WDFY1: variants seen among roughly 807,000 people sequenced by gnomAD.
WDFY1 encodes WD repeat and FYVE domain-containing protein 1.
A neutral mutation model predicts 56.4 loss-of-function variants in WDFY1; 32 were observed. The ratio of observed to expected loss-of-function variants is 0.57; its 90% CI spans 0.43 to 0.76. The LOEUF is 0.76. Among genes scored for constraint, WDFY1 ranks in the 30% least tolerant of loss-of-function variants. The pLI is 0.00. For missense variants in WDFY1, 480 were observed against 545.7 expected, an observed-to-expected ratio of 0.88 and a Z score of 1.20; for synonymous variants, 192 against 197.3, an observed-to-expected ratio of 0.97 and a Z score of 0.23.
rs995473158 is a variant in WDFY1 at position 223,875,819 on chromosome 2, G to A, written c.*2852C>T. The A allele has an allele frequency of 5.3e-5, 8 of 151,996 alleles. No individual in the cohort carries two copies. The highest frequency in any genetic ancestry group is 1.2e-4 in the African/African-American group (5 of 41,364). The allele number at this position is 151,996 out of a possible 1,614,324, so 9.4% of individuals were successfully genotyped here. A position where few individuals can be genotyped will look rare whatever the true frequency, so the allele number is the denominator to read the frequency against. Reference sequence around the variant, plus strand: ...TTTAGGAGATACCATATCCAATAACGGAAGTAGAAGTACTTTAACGAAAAC... The same window carrying A: ...TTTAGGAGATACCATATCCAATAACAGAAGTAGAAGTACTTTAACGAAAAC... On this transcript the variant is annotated 3_prime_UTR_variant, in exon 12 of 12. Transcript: ENST00000233055.
At chr2:223,880,016 T>C (rs1693038461) in intron 11 of WDFY1, 108 bp downstream of exon 11, 2 of 968,230 alleles carry the variant, frequency 2.1e-6, no homozygotes. Flanking sequence ...CTGGCAATCA[T>C]TTGCTTATAA....
intron 1 of WDFY1, among the ~76,000 whole-genome samples, chr2:223,932,936 G>A (rs1694103896): frequency 6.6e-6 from 1 of 151,280 alleles, no homozygotes; most frequent in Middle Eastern, 3.2e-3. Context: ...GCCTGAAAGG[G>A]GGAACGAACA....
At chr2:223,943,449 G>A (rs1294010886) in intron 1 of WDFY1, among the ~76,000 whole-genome samples, 1 of 152,180 alleles carries the variant, frequency 6.6e-6, no homozygotes, top group Non-Finnish European at 1.5e-5. Flanking sequence ...GGACCAACAG[G>A]AGTTGGGGGC....
intron 7 of WDFY1, 47 bp downstream of exon 7, chr2:223,895,457 C>A: frequency 6.2e-7 from 1 of 1,613,086 alleles, no homozygotes; most frequent in South Asian, 1.1e-5. Context: ...TTCACTAGCT[C>A]CCCACTAACT....
At chr2:223,897,498 C>A (rs1693413872) in intron 6 of WDFY1, among the ~76,000 whole-genome samples, 2 of 151,406 alleles carry the variant, frequency 1.3e-5, no homozygotes, top group Non-Finnish European at 2.9e-5. Flanking sequence ...CCTGCCTCAG[C>A]CTCCCTGAGT....
chr2:223,879,056 A>G (rs1484007819), intron 11 of WDFY1, among the ~76,000 whole-genome samples: 1 of 152,130 alleles, frequency 6.6e-6, no homozygotes, highest in Non-Finnish European at 1.5e-5. Context: ...GTGTGGTGGC[A>G]CATGCCTGTG....
intron 1 of WDFY1, among the ~76,000 whole-genome samples, chr2:223,931,901 G>T (rs548529391): frequency 6.6e-6 from 1 of 152,102 alleles, no homozygotes; most frequent in African/African-American, 2.4e-5. Flanking sequence ...GGCCAGGCTG[G>T]TCTTGAACTC....
chr2:223,895,438 T>C, intron 7 of WDFY1, 66 bp downstream of exon 7: 2 of 1,610,938 alleles, frequency 1.2e-6, no homozygotes, highest in South Asian at 1.1e-5. Flanking sequence ...TATCAGACTA[T>C]TAATGCCTTT....
chr2:223,917,476 G>A (rs1383857600), intron 2 of WDFY1, among the ~76,000 whole-genome samples: 4 of 152,118 alleles, frequency 2.6e-5, no homozygotes, highest in African/African-American at 9.7e-5. Flanking sequence ...AAAAGAAAAG[G>A]ACTTTTCCTG....
rs993123525 is a variant in WDFY1 at position 223,931,656 on chromosome 2, A to G, written c.137+13492T>C. Among the ~76,000 whole-genome samples the G allele has an allele frequency of 2.0e-5, 3 of 151,530 alleles. No individual in the cohort carries two copies. In the East Asian group the frequency reaches 5.8e-4, roughly 29 times the overall value. On this transcript the variant is annotated intron_variant, in intron 1 of 11. Transcript: ENST00000233055. Reference sequence around the variant, plus strand: ...AGCACTGGCTCACAAACCAGGAGGCATCTTGCAGGAGTCATTAATATTTTT... The same window carrying G: ...AGCACTGGCTCACAAACCAGGAGGCGTCTTGCAGGAGTCATTAATATTTTT...
intron 6 of WDFY1, among the ~76,000 whole-genome samples, chr2:223,897,112 C>T (rs541631708): frequency 4.6e-5 from 7 of 152,162 alleles, no homozygotes; most frequent in African/African-American, 1.2e-4. Context: ...AAATAGATTA[C>T]ATAGAAAGCA....
At chr2:223,935,272 C>T (rs974643676) in intron 1 of WDFY1, among the ~76,000 whole-genome samples, 16 of 152,074 alleles carry the variant, frequency 1.1e-4, no homozygotes, top group South Asian at 2.1e-4. Context: ...TCCACACAGG[C>T]GACTTTTTAC....
At chr2:223,897,615 A>G (rs1379903849) in intron 6 of WDFY1, among the ~76,000 whole-genome samples, 5 of 151,776 alleles carry the variant, frequency 3.3e-5, no homozygotes, top group Non-Finnish European at 5.9e-5. Flanking sequence ...CCTGACCTCA[A>G]GTGATCTGCC....
intron 1 of WDFY1, among the ~76,000 whole-genome samples, chr2:223,936,695 A>G (rs1273028356): frequency 6.6e-6 from 1 of 152,122 alleles, no homozygotes; most frequent in Non-Finnish European, 1.5e-5. Context: ...ACCATTCCCT[A>G]ACTCCTAAGA....
chr2:223,885,977 C>G (rs1424017011), intron 8 of WDFY1, among the ~76,000 whole-genome samples: 1 of 152,198 alleles, frequency 6.6e-6, no homozygotes, highest in Non-Finnish European at 1.5e-5. Flanking sequence ...TAGCCACAGC[C>G]TGTCACACAG....
chr2:223,899,283 T>G, intron 5 of WDFY1: 1 of 477,610 alleles, frequency 2.1e-6, no homozygotes. Context: ...AAACAGCTGT[T>G]ATTACTGAGA....
intron 1 of WDFY1, 30 bp downstream of exon 1, chr2:223,945,118 C>G: frequency 6.4e-7 from 1 of 1,562,054 alleles, no homozygotes; most frequent in Admixed American, 1.8e-5. Context: ...TCGCGGAGTT[C>G]GGGCCGCCCC....
rs368902455 is a variant in WDFY1, at chr2:223,933,961, C to CAAAAAAA, written c.137+11180_137+11186dup. Reference sequence around the variant, plus strand: ...TGGGAGACAGAGTGAGACCCTGCCTCAAAAAAAAAAAAAAAAAAAAGTCTC... The same window carrying CAAAAAAA: ...TGGGAGACAGAGTGAGACCCTGCCTCAAAAAAAAAAAAAAAAAAAAAAAAAAAGTCTC... On this transcript the variant is annotated intron_variant, in intron 1 of 11. Transcript: ENST00000233055. 7.9e-3 allele frequency among the ~76,000 whole-genome samples: 397 copies of CAAAAAAA among 50,412 alleles called. 14 individuals carry two copies. Among genetic ancestry groups the CAAAAAAA allele is most frequent in the Non-Finnish European group, 8.8e-3 (252 of 28,588 alleles). 33.1% of individuals were successfully genotyped at this position (50,412 alleles called of 152,430 possible).
intron 1 of WDFY1, among the ~76,000 whole-genome samples, chr2:223,932,113 G>A (rs1357169356): frequency 1.5e-5 from 2 of 137,240 alleles, no homozygotes; most frequent in South Asian, 2.4e-4. Context: ...ACCAGTATGA[G>A]TACCTTTTTT....
Sources: gnomAD v4.1 joint callset for allele counts (sites outside exome capture counted in the v4.1 genomes callset) on GRCh38, gnomAD v4.1.1 for gene constraint, MANE v1.5 for transcripts, NCBI Gene and HGNC (gene_info 2026-07-23, HGNC 2026-07-21) for gene names.